SPATC1: variants seen among roughly 807,000 people sequenced by gnomAD.
The protein encoded by SPATC1 is speriolin.
Under a neutral mutation model 36.5 loss-of-function variants are expected in SPATC1, and 35 were observed. That is an observed-to-expected ratio of 0.96 (90% confidence interval 0.73 to 1.27). SPATC1 has a LOEUF of 1.27. Ranked by LOEUF, SPATC1 falls within the 50% of genes most tolerant of loss-of-function variation. SPATC1 has a pLI of 0.00. For synonymous variants in SPATC1, 361 were observed against 353.6 expected, an observed-to-expected ratio of 1.02 and a Z score of -0.24; for missense variants, 779 against 796.0, an observed-to-expected ratio of 0.98 and a Z score of 0.26.
At chr8:144,033,888 C>T (rs1834847320) in intron 1 of SPATC1, among the ~76,000 whole-genome samples, 1 of 152,198 alleles carries the variant, frequency 6.6e-6, no homozygotes, top group Admixed American at 6.5e-5. Context: ...TCAGCACTGG[C>T]AGGCAAATCC....
rs553528247 is a variant in SPATC1 at position 144,040,156 on chromosome 8, G to A, written c.459G>A (p.Leu153=). The change falls in exon 2 of 5, where the codon CTG becomes CTA. Residue 153 remains leucine, a synonymous_variant. Coordinates refer to ENST00000377470, the MANE Select transcript of SPATC1 (RefSeq NM_198572.3). ...TTGCGGGACCCCTAACAGGCACACT[G>A]GCCAGTTCCCTGGGCCTGCCCTCCA... The part of the protein sequence containing the change: ...SPIAGPLTGT[L]ASSLGLPSTG... 2.7e-5 allele frequency: 43 copies of A among 1,609,520 alleles called. No homozygotes were observed. The South Asian group carries it at 4.5e-4, about 17-fold the overall frequency.
intron 1 of SPATC1, among the ~76,000 whole-genome samples, chr8:144,018,690 A>T (rs1379231728): frequency 2.0e-5 from 3 of 151,796 alleles, no homozygotes; most frequent in Non-Finnish European, 4.4e-5. Flanking sequence ...CTCTGTTCAA[A>T]TGTTCTTCTC....
intron 1 of SPATC1, among the ~76,000 whole-genome samples, chr8:144,026,871 G>A (rs1272633041): frequency 4.8e-5 from 7 of 146,260 alleles, no homozygotes; most frequent in East Asian, 4.0e-4. Context: ...GTGCAGTGGC[G>A]CGATCTTGGC....
chr8:144,027,146 T>C (rs1318294292), intron 1 of SPATC1, among the ~76,000 whole-genome samples: 1 of 152,034 alleles, frequency 6.6e-6, no homozygotes, highest in Non-Finnish European at 1.5e-5. Context: ...TCTTAATTTC[T>C]ATATAAAAAT....
At chr8:144,013,242 T>A (rs1466082478) in intron 1 of SPATC1, among the ~76,000 whole-genome samples, 1 of 152,050 alleles carries the variant, frequency 6.6e-6, no homozygotes, top group African/African-American at 2.4e-5. Flanking sequence ...TCCCAAGCCA[T>A]CTTGTCCATC....
chr8:144,042,311 A>ATATATATATATTT (rs1412021347), intron 4 of SPATC1, among the ~76,000 whole-genome samples: 1 of 23,882 alleles, frequency 4.2e-5, no homozygotes, highest in African/African-American at 2.4e-4. Context: ...ATATATATAT[A>ATATATATATATTT]TTTTTTTTTT....
At chr8:144,015,403 A>C (rs1207191004) in intron 1 of SPATC1, among the ~76,000 whole-genome samples, 1 of 151,352 alleles carries the variant, frequency 6.6e-6, no homozygotes, top group Non-Finnish European at 1.5e-5. Flanking sequence ...AATATTTAAA[A>C]TTTTTAAAAA....
chr8:144,017,981 T>C (rs1834427165), intron 1 of SPATC1, among the ~76,000 whole-genome samples: 1 of 152,064 alleles, frequency 6.6e-6, no homozygotes, highest in Admixed American at 6.5e-5. Context: ...GAGAAAAGAT[T>C]CAAGAGTTAC....
At chr8:144,017,626 C>T (rs1181475166) in intron 1 of SPATC1, among the ~76,000 whole-genome samples, 11 of 152,200 alleles carry the variant, frequency 7.2e-5, no homozygotes, top group Admixed American at 2.0e-4. Flanking sequence ...CAATCTACCA[C>T]ATCCTGGCAC....
In SPATC1 at chr8:144,045,954, G is replaced by A. The variant is rs1835248624; in HGVS notation, c.1447-673G>A. Among the ~76,000 whole-genome samples, 1 of 152,154 alleles carries A rather than the reference G, an allele frequency of 6.6e-6. No individual in the cohort carries two copies. The highest frequency in any genetic ancestry group is 2.4e-5 in the African/African-American group (1 of 41,440). On this transcript the variant is annotated intron_variant, in intron 4 of 4. Coordinates refer to ENST00000377470, the MANE Select transcript of SPATC1 (RefSeq NM_198572.3). This position sits in a 1 kb window ranked among gnomAD's most constrained non-coding sequence, Gnocchi z 5.2. ...CTGCCTGGCTGGTGGGAGGACACAG[G>A]GCATGAGGAAGTGAGTGGAAACTGA...
intron 1 of SPATC1, among the ~76,000 whole-genome samples, chr8:144,019,588 C>T (rs1418936985): frequency 6.6e-6 from 1 of 152,094 alleles, no homozygotes; most frequent in Non-Finnish European, 1.5e-5. Flanking sequence ...GGCTCAGGGG[C>T]TTGCAGGGAG....
rs1834845739 is a variant in SPATC1 at position 144,033,823 on chromosome 8, G to A, written c.212-6086G>A. On this transcript the variant is annotated intron_variant, in intron 1 of 4. Transcript: ENST00000377470. The stretch of plus-strand genomic sequence containing the variant: ...TTCTCAGTCCATGCTGAAATATGTT[G>A]GGAATCACCACCAGCAGAGGCACAG... Among the ~76,000 whole-genome samples the A allele has an allele frequency of 4.6e-5, 7 of 152,202 alleles. No homozygotes were observed. In the South Asian group the frequency reaches 1.2e-3, roughly 27 times the overall value.
intron 1 of SPATC1, among the ~76,000 whole-genome samples, chr8:144,036,946 G>A (rs1408653479): frequency 6.6e-6 from 1 of 151,746 alleles, no homozygotes; most frequent in Non-Finnish European, 1.5e-5. Flanking sequence ...TCATGATGCC[G>A]GAGCTGCTAT....
rs1554755989 is a variant in SPATC1, at chr8:144,041,216, G to A, written c.1307-16G>A. Reference sequence around the variant, plus strand: ...CTCACCCTCTCACCTGGGCTGACGAGACCCTGTGTCCCCAGAGTCGAAGCA... The same window carrying A: ...CTCACCCTCTCACCTGGGCTGACGAAACCCTGTGTCCCCAGAGTCGAAGCA... On this transcript the variant is annotated splice_polypyrimidine_tract_variant and intron_variant, in intron 3 of 4. Transcript: ENST00000377470. 1 of 1,613,084 alleles carries A rather than the reference G, an allele frequency of 6.2e-7. No homozygotes were observed.
chr8:144,029,461 G>T (rs1834752899), intron 1 of SPATC1, among the ~76,000 whole-genome samples: 1 of 152,134 alleles, frequency 6.6e-6, no homozygotes. Context: ...CAGCTACTCG[G>T]GAGGCTGAGG....
intron 1 of SPATC1, among the ~76,000 whole-genome samples, chr8:144,019,920 G>A (rs908339729): frequency 1.3e-5 from 2 of 150,484 alleles, no homozygotes; most frequent in African/African-American, 4.9e-5. Context: ...TGCCTCCCCC[G>A]GGGGCTGCGG....
intron 1 of SPATC1, among the ~76,000 whole-genome samples, chr8:144,032,688 G>T (rs1011209159): frequency 5.3e-5 from 8 of 152,094 alleles, no homozygotes; most frequent in African/African-American, 1.9e-4. Context: ...CTTGTTATGG[G>T]TCATACTTGT....
intron 4 of SPATC1, among the ~76,000 whole-genome samples, chr8:144,044,871 C>T (rs937217767): frequency 1.3e-5 from 2 of 152,180 alleles, no homozygotes; most frequent in Non-Finnish European, 2.9e-5. Context: ...ATTGCTTGAA[C>T]CCGGGAGGCG....
At position 144,016,398 on chromosome 8, in the gene SPATC1, G is replaced by A. The variant is rs114176431; in HGVS notation, c.211+3672G>A. On this transcript the variant is annotated intron_variant, in intron 1 of 4. Coordinates refer to ENST00000377470, the MANE Select transcript of SPATC1 (RefSeq NM_198572.3). This position sits in a 1 kb window ranked among gnomAD's most constrained non-coding sequence, Gnocchi z 4.5. ...GTGAATGTATGTGAGAGTGTATGTG[G>A]TATGTATGTGTTATGTGGGTGTTTG... 6.6e-6 allele frequency among the ~76,000 whole-genome samples: 1 copy of A among 151,824 alleles called. No homozygotes were observed. Among genetic ancestry groups the A allele is most frequent in the Non-Finnish European group, 1.5e-5 (1 of 67,948 alleles).
Sources: allele counts gnomAD v4.1 joint callset (sites outside exome capture counted in the v4.1 genomes callset), GRCh38; gene constraint gnomAD v4.1.1; non-coding constraint Gnocchi (gnomAD v3.1); transcripts MANE v1.5; gene names NCBI Gene and HGNC (gene_info 2026-07-23, HGNC 2026-07-21).